TAF15: variants seen among roughly 807,000 people sequenced by gnomAD.
The protein encoded by TAF15 is TATA-binding protein-associated factor 2N.
In TAF15, 37 loss-of-function variants were observed where a neutral mutation model predicts 102.5. The observed-to-expected ratio is 0.36, with a 90% CI of 0.28 to 0.47. The LOEUF (loss-of-function observed/expected upper bound fraction) is 0.47, where lower values mean the gene tolerates loss of function less well. TAF15 is among the 20% of genes least tolerant of loss of function. The pLI, the probability that TAF15 is intolerant of heterozygous loss-of-function variation, is 0.99. For synonymous variants in TAF15, 273 were observed against 259.2 expected, an observed-to-expected ratio of 1.05 and a Z score of -0.51; for missense variants, 652 against 760.7, an observed-to-expected ratio of 0.86 and a Z score of 1.68.
intron 7 of TAF15, among the ~76,000 whole-genome samples, chr17:35,828,249 T>C (rs1380501834): frequency 6.6e-6 from 1 of 152,146 alleles, no homozygotes; most frequent in Non-Finnish European, 1.5e-5. Flanking sequence ...AAAATAAAAA[T>C]ATGTATACGT....
intron 5 of TAF15, among the ~76,000 whole-genome samples, chr17:35,821,578 T>A (rs185596021): frequency 2.2e-4 from 33 of 152,204 alleles, no homozygotes; most frequent in African/African-American, 7.9e-4. Flanking sequence ...TATTAAGTTA[T>A]GAGATCTTTT....
chr17:35,817,537 T>A (rs1429379174), intron 1 of TAF15, among the ~76,000 whole-genome samples, 179 bp from the exon 2 acceptor site: 2 of 152,224 alleles, frequency 1.3e-5, no homozygotes, highest in Non-Finnish European at 2.9e-5. Context: ...TACGTAGTTA[T>A]TGTAAAAAGT....
intron 6 of TAF15, 29 bp downstream of exon 6, chr17:35,822,862 T>A: frequency 1.2e-6 from 2 of 1,610,186 alleles, no homozygotes; most frequent in Non-Finnish European, 1.7e-6. Flanking sequence ...TATTATTATT[T>A]TTCCCCCTCT....
rs1286778049 is a variant in TAF15 at position 35,820,382 on chromosome 17, A to G, written c.235A>G (p.Ser79Gly). The G allele has an allele frequency of 1.9e-6, 3 of 1,613,974 alleles. No homozygotes were observed. The African/African-American group carries it at 4.0e-5, about 22-fold the overall frequency. Reference protein sequence around the residue: ...GYENQKQSSYSQQPYNNQGQQ... With the variant: ...GYENQKQSSYGQQPYNNQGQQ... The stretch of plus-strand genomic sequence containing the variant: ...TGAGAATCAAAAGCAGAGCTCATAT[A>G]GCCAGCAACCATATAATAACCAGGG... Residue 79 changes from serine to glycine, a missense_variant, in exon 5 of 16, where the codon AGC (serine) becomes GGC (glycine). Around this residue, in one of 3 missense-constraint regions of TAF15, gnomAD observed 243 missense variants for 284.1 expected, o/e 0.86. Coordinates refer to ENST00000605844, the MANE Select transcript of TAF15 (RefSeq NM_139215.3).
chr17:35,813,911 A>C (rs1379316908), intron 1 of TAF15, among the ~76,000 whole-genome samples: 3 of 152,174 alleles, frequency 2.0e-5, no homozygotes, highest in African/African-American at 7.2e-5. Flanking sequence ...ATATTTGAAG[A>C]AGCTGGAAAA....
At chr17:35,820,474 A>C (rs1372653373) in intron 5 of TAF15, 37 bp downstream of exon 5, 2 of 1,582,982 alleles carry the variant, frequency 1.3e-6, no homozygotes, top group Non-Finnish European at 1.7e-6. Context: ...TGTTTTGGGC[A>C]GTGGAAATAA....
At chr17:35,844,034 A>T in intron 12 of TAF15, 43 bp from the exon 13 acceptor site, 1 of 1,538,530 alleles carries the variant, frequency 6.5e-7, no homozygotes, top group South Asian at 1.1e-5. Flanking sequence ...CTGTTTTGTT[A>T]ATATCTGCTG....
rs140811193 is a variant in TAF15 at position 35,840,820 on chromosome 17, C to T, written c.914-1547C>T. ...TGGAGGTTGCAGTGAGCCGAGATCA[C>T]GCCACTGTACTCCAGCCTGGGTGAC... On this transcript the variant is annotated intron_variant, in intron 11 of 15. Transcript: ENST00000605844. Among the ~76,000 whole-genome samples, 440 of 151,980 alleles carry T rather than the reference C, an allele frequency of 2.9e-3. 1 individual carries two copies. Among genetic ancestry groups the T allele is most frequent in the African/African-American group, 1.0e-2 (413 of 41,480 alleles).
intron 6 of TAF15, 145 bp from the exon 7 acceptor site, chr17:35,823,933 A>G (rs993140329): frequency 4.9e-6 from 5 of 1,016,566 alleles, no homozygotes; most frequent in African/African-American, 4.8e-5. Flanking sequence ...ATTCCAGATG[A>G]TTTTATGATG....
intron 11 of TAF15, among the ~76,000 whole-genome samples, 171 bp from the exon 12 acceptor site, chr17:35,842,196 C>G (rs1207235997): frequency 6.6e-6 from 1 of 152,016 alleles, no homozygotes; most frequent in African/African-American, 2.4e-5. Context: ...ATGCTCTTTT[C>G]AGTAGATAAT....
intron 7 of TAF15, among the ~76,000 whole-genome samples, chr17:35,832,143 TTAATC>T (rs1227543440): frequency 1.3e-5 from 2 of 152,200 alleles, no homozygotes; most frequent in African/African-American, 4.8e-5. Context: ...TTTCAGCAGT[TTAATC>T]TCAACTCTGT....
At chr17:35,814,783 G>A (rs566278674) in intron 1 of TAF15, among the ~76,000 whole-genome samples, 1 of 151,830 alleles carries the variant, frequency 6.6e-6, no homozygotes, top group South Asian at 2.1e-4. Context: ...AACCTGGGAA[G>A]CAGAGGTTGC....
chr17:35,813,322 T>C (rs1030421902), intron 1 of TAF15, among the ~76,000 whole-genome samples: 1 of 151,998 alleles, frequency 6.6e-6, no homozygotes, highest in East Asian at 1.9e-4. Context: ...CAGCATTCAA[T>C]TCAGGGGGAT....
At position 35,826,866 on chromosome 17, in the gene TAF15, TATTATTTTTATGTGTCATAACACATAAA is replaced by T. The variant is rs552004635; in HGVS notation, c.605+2691_605+2718del. Among the ~76,000 whole-genome samples, 768 of 151,902 alleles carry T rather than the reference TATTATTTTTATGTGTCATAACACATAAA, an allele frequency of 5.1e-3. 5 individuals are homozygous for T. Among genetic ancestry groups the T allele is most frequent in the African/African-American group, 0.017 (686 of 41,458 alleles). ...AGCCACCACGCCTGGCTGAAGTTCA[TATTATTTTTATGTGTCATAACACATAAA>T]ATTATTTTTATGTGTCATAACATCT... On this transcript the variant is annotated intron_variant, in intron 7 of 15. Coordinates refer to ENST00000605844, the MANE Select transcript of TAF15 (RefSeq NM_139215.3).
At chr17:35,839,929 T>G (rs1356846750) in intron 11 of TAF15, among the ~76,000 whole-genome samples, 4 of 152,182 alleles carry the variant, frequency 2.6e-5, no homozygotes, top group Non-Finnish European at 5.9e-5. Flanking sequence ...TAACACTTAC[T>G]GCATGTTTAC....
In TAF15 at chr17:35,833,830, T is replaced by G. The variant is rs1598540490; in HGVS notation, c.606-77T>G. The G allele has an allele frequency of 1.7e-5, 25 of 1,459,556 alleles. No individual in the cohort carries two copies. In the East Asian group the frequency reaches 5.7e-4, roughly 33 times the overall value. 90.4% of individuals were successfully genotyped at this position (1,459,556 alleles called of 1,614,324 possible). ...TCCTAAGCACTCTACTTGTGACAGT[T>G]AAGTGTAGATTGAGCCCAGGGCTCA... On this transcript the variant is annotated intron_variant, in intron 7 of 15. Transcript: ENST00000605844.
At chr17:35,824,358 TCA>T (rs2087300507) in intron 7 of TAF15, 160 bp downstream of exon 7, 1 of 964,078 alleles carries the variant, frequency 1.0e-6, no homozygotes, top group Admixed American at 2.8e-5. Flanking sequence ...AAGTGTATTT[TCA>T]GTCTTAATAT....
At chr17:35,843,119 T>A (rs1262047311) in intron 12 of TAF15, among the ~76,000 whole-genome samples, 1 of 151,966 alleles carries the variant, frequency 6.6e-6, no homozygotes, top group African/African-American at 2.4e-5. Flanking sequence ...TTTTTTTATT[T>A]TTTATTTATT....
Position 35,812,940 on chromosome 17 carries a change from C to G in TAF15, c.7+3364C>G, listed in dbSNP as rs1036958317. Reference sequence around the variant, plus strand: ...GTCAGAAGTTCGAGACCAGCCTGGCCACCATGGCGAAACCCCATCTCTACT... The same window carrying G: ...GTCAGAAGTTCGAGACCAGCCTGGCGACCATGGCGAAACCCCATCTCTACT... On this transcript the variant is annotated intron_variant, in intron 1 of 15. Coordinates refer to ENST00000605844, the MANE Select transcript of TAF15 (RefSeq NM_139215.3). Among the ~76,000 whole-genome samples the G allele has an allele frequency of 3.9e-5, 6 of 151,914 alleles. No homozygotes were observed. In the South Asian group the frequency reaches 1.3e-3, roughly 32 times the overall value.
Sources: allele counts gnomAD v4.1 joint callset (sites outside exome capture counted in the v4.1 genomes callset), GRCh38; gene constraint gnomAD v4.1.1; regional missense constraint gnomAD v4.1.1; transcripts MANE v1.5; gene names NCBI Gene and HGNC (gene_info 2026-07-23, HGNC 2026-07-21).